Variants in HACD2 observed in about 807,000 individuals in gnomAD.
The protein encoded by HACD2 is 3-hydroxyacyl-CoA dehydratase 2.
A neutral mutation model predicts 31.0 loss-of-function variants in HACD2; 15 were observed. That is an observed-to-expected ratio of 0.48 (90% CI 0.32 to 0.75). The LOEUF (loss-of-function observed/expected upper bound fraction) is 0.75. Ranked by LOEUF, HACD2 falls within the 30% of genes least tolerant of loss-of-function variation. HACD2 has a pLI of 0.03. For synonymous variants in HACD2, 115 were observed against 122.2 expected (o/e 0.94, Z 0.39); for missense variants, 283 against 313.0 (o/e 0.90, Z 0.72).
At chr3:123,521,445 G>C (rs747684201) in intron 4 of HACD2, among the ~76,000 whole-genome samples, 2 of 152,104 alleles carry the variant, frequency 1.3e-5, no homozygotes, top group Non-Finnish European at 2.9e-5. Context: ...TTTTCTCTGG[G>C]GCTCCTAGGT....
At chr3:123,570,445 A>C (rs1385082746) in intron 2 of HACD2, among the ~76,000 whole-genome samples, 1 of 152,234 alleles carries the variant, frequency 6.6e-6, no homozygotes, top group East Asian at 1.9e-4. Context: ...GCAGATGTAG[A>C]GGTACAGCCT....
intron 3 of HACD2, among the ~76,000 whole-genome samples, chr3:123,540,153 T>C (rs886519628): frequency 4.6e-5 from 7 of 151,854 alleles, no homozygotes; most frequent in Non-Finnish European, 8.8e-5. Flanking sequence ...CGTGTTCCTA[T>C]ATATTAATGA....
intron 2 of HACD2, among the ~76,000 whole-genome samples, chr3:123,581,138 T>A (rs776668746): frequency 3.7e-4 from 57 of 152,196 alleles, no homozygotes; most frequent in African/African-American, 1.4e-3. Context: ...GATTTTTTCT[T>A]AAGTATCATT....
chr3:123,510,525 G>T (rs2056044901), intron 4 of HACD2, among the ~76,000 whole-genome samples: 1 of 152,204 alleles, frequency 6.6e-6, no homozygotes, highest in African/African-American at 2.4e-5. Flanking sequence ...TGGGATTACA[G>T]GCGTGAGCCA....
chr3:123,508,436 C>T (rs1033373389), intron 4 of HACD2, among the ~76,000 whole-genome samples: 2 of 152,192 alleles, frequency 1.3e-5, no homozygotes, highest in Admixed American at 6.5e-5. Flanking sequence ...AAAACCTTTA[C>T]ACACAAATAG....
intron 2 of HACD2, among the ~76,000 whole-genome samples, chr3:123,568,288 T>C (rs1046462107): frequency 2.6e-5 from 4 of 152,242 alleles, no homozygotes; most frequent in African/African-American, 4.8e-5. Flanking sequence ...AGGTGCTCTC[T>C]GGTCCAATCC....
intron 5 of HACD2, 48 bp from the exon 6 acceptor site, chr3:123,500,741 G>C: frequency 7.6e-7 from 1 of 1,321,150 alleles, no homozygotes. Flanking sequence ...GTCAGCTTTA[G>C]AAGGAAGCTG....
At chr3:123,519,703 A>G (rs984211782) in intron 4 of HACD2, among the ~76,000 whole-genome samples, 1 of 152,236 alleles carries the variant, frequency 6.6e-6, no homozygotes, top group Non-Finnish European at 1.5e-5. Context: ...GCTACACTAC[A>G]TAAAGGACTG....
chr3:123,559,258 C>A (rs933961747), intron 3 of HACD2, among the ~76,000 whole-genome samples: 1 of 152,042 alleles, frequency 6.6e-6, no homozygotes, highest in African/African-American at 2.4e-5. Context: ...CTAGTGGTGA[C>A]CATAGTAAAC....
intron 4 of HACD2, among the ~76,000 whole-genome samples, chr3:123,514,678 G>A (rs2056111360): frequency 6.6e-6 from 1 of 152,140 alleles, no homozygotes; most frequent in Admixed American, 6.5e-5. Flanking sequence ...CATCAGTATT[G>A]TCTTAGACCG....
At chr3:123,547,744 A>G (rs1482024978) in intron 3 of HACD2, among the ~76,000 whole-genome samples, 1 of 152,170 alleles carries the variant, frequency 6.6e-6, no homozygotes, top group Admixed American at 6.5e-5. Flanking sequence ...TAAAGGGAGA[A>G]ACAAACTGGG....
At chr3:123,495,731 C>G (rs1034823391) in intron 6 of HACD2, among the ~76,000 whole-genome samples, 1 of 152,042 alleles carries the variant, frequency 6.6e-6, no homozygotes, top group Non-Finnish European at 1.5e-5. Flanking sequence ...CTGCCTCCCT[C>G]GGAACTATTT....
At chr3:123,545,715 ATT>A (rs1156885967) in intron 3 of HACD2, among the ~76,000 whole-genome samples, 12 of 141,850 alleles carry the variant, frequency 8.5e-5, no homozygotes, top group Admixed American at 2.1e-4. Context: ...TAATAATAAG[ATT>A]TTTTTTTTTT....
At chr3:123,538,304 A>G (rs1262852301) in intron 3 of HACD2, among the ~76,000 whole-genome samples, 1 of 152,182 alleles carries the variant, frequency 6.6e-6, no homozygotes, top group African/African-American at 2.4e-5. Flanking sequence ...TAGCAAAACT[A>G]TGGTATTTAT....
intron 2 of HACD2, among the ~76,000 whole-genome samples, chr3:123,579,748 G>A (rs2056945847): frequency 6.6e-6 from 1 of 152,140 alleles, no homozygotes; most frequent in Admixed American, 6.5e-5. Flanking sequence ...TGTAGCTTGT[G>A]GGAACTGTAC....
At chr3:123,517,498 T>C (rs547259847) in intron 4 of HACD2, among the ~76,000 whole-genome samples, 2 of 152,312 alleles carry the variant, frequency 1.3e-5, no homozygotes, top group South Asian at 4.1e-4. Flanking sequence ...GTCTAAATAT[T>C]CTATGAAGTG....
At chr3:123,549,655 G>A (rs775812306) in intron 3 of HACD2, among the ~76,000 whole-genome samples, 19 of 152,134 alleles carry the variant, frequency 1.2e-4, no homozygotes, top group Non-Finnish European at 2.4e-4. Context: ...GGCTGAGGTG[G>A]AAAGATTGCT....
intron 6 of HACD2, among the ~76,000 whole-genome samples, 193 bp downstream of exon 6, chr3:123,500,322 A>T (rs773676942): frequency 6.6e-6 from 1 of 152,204 alleles, no homozygotes; most frequent in Admixed American, 6.5e-5. Context: ...CTGTATTGAG[A>T]AGGGTTCATC....
chr3:123,530,616 C>T (rs1200336632), intron 3 of HACD2, among the ~76,000 whole-genome samples: 2 of 151,954 alleles, frequency 1.3e-5, no homozygotes, highest in Admixed American at 1.3e-4. Context: ...ATTATGTTGG[C>T]CAGGATGGTC....
Sources: allele counts gnomAD v4.1 joint callset (sites outside exome capture counted in the v4.1 genomes callset), GRCh38; gene constraint gnomAD v4.1.1; transcripts MANE v1.5; gene names NCBI Gene and HGNC (gene_info 2026-07-23, HGNC 2026-07-21).